The following DHX37 variants were observed in gnomAD, a reference collection of about 807,000 sequenced individuals.
DHX37 encodes the protein probable ATP-dependent RNA helicase DHX37.
DHX37 carries 52 observed loss-of-function variants against 134.3 expected under a neutral mutation model. The ratio of observed to expected loss-of-function variants is 0.39; its 90% CI spans 0.31 to 0.49. The LOEUF is 0.49. DHX37 is among the 20% of genes least tolerant of loss of function. The pLI, the probability that DHX37 is intolerant of heterozygous loss-of-function variation, is 0.93. For missense variants in DHX37, 1,344 were observed against 1,580.8 expected (o/e 0.85, Z 2.54); for synonymous variants, 634 against 670.7 (o/e 0.95, Z 0.85).
chr12:124,960,212 A>G, intron 16 of DHX37, 100 bp downstream of exon 16: 2 of 1,514,372 alleles, frequency 1.3e-6, no homozygotes, highest in African/African-American at 1.4e-5. Flanking sequence ...CAGCTGCCGC[A>G]GGCCAGGCAC....
intron 9 of DHX37, 34 bp from the exon 10 acceptor site, chr12:124,968,682 G>A (rs770906647): frequency 3.1e-6 from 5 of 1,613,578 alleles, no homozygotes; most frequent in South Asian, 2.2e-5. Flanking sequence ...GGGGAGTGGG[G>A]GGGACACGAG....
chr12:124,972,509 G>A lies in DHX37; in HGVS notation c.1071C>T (p.Ile357=). 6.2e-7 allele frequency: 1 copy of A among 1,614,164 alleles called. No individual in the cohort carries two copies. Among genetic ancestry groups the A allele is most frequent in the Non-Finnish European group, 8.5e-7 (1 of 1,180,004 alleles). ...FMTDGVLLKE[I]QKDFLLLRYK... is the part of the protein sequence containing the mutation. ...GCCAGGATCCACAACCAACCTTCTGGATTTCTTTAAGCAGCACACCATCCG... is the reference window on the plus strand; with the variant it reads ...GCCAGGATCCACAACCAACCTTCTGAATTTCTTTAAGCAGCACACCATCCG... The change falls in exon 7 of 27, where the codon ATC becomes ATT. Residue 357 remains isoleucine (I), a synonymous_variant. Transcript: ENST00000308736.
rs1293549393 is a variant in DHX37, at chr12:124,949,821, G to A, written c.3290+165C>T. Among the ~76,000 whole-genome samples, 5 of 152,158 alleles carry A rather than the reference G, an allele frequency of 3.3e-5. No individual in the cohort carries two copies. In the East Asian group the frequency reaches 7.7e-4, roughly 23 times the overall value. On this transcript the variant is annotated intron_variant, in intron 25 of 26. Transcript: ENST00000308736. The surrounding 1 kb of genome is among the most constrained non-coding windows in gnomAD (Gnocchi z 4.0). ...CAGAGGCAAGACGGACCCTCCCCGA[G>A]AGCCGCTGCACAGACCGTGGCTCTG...
chr12:124,983,628 T>C (rs913881633), intron 2 of DHX37, among the ~76,000 whole-genome samples: 14 of 151,390 alleles, frequency 9.2e-5, no homozygotes, highest in African/African-American at 3.1e-4. Flanking sequence ...CTACTAAAAA[T>C]ACAAAAATTA....
chr12:124,982,351 C>T lies in DHX37; in HGVS notation c.389+160G>A, dbSNP rs564505281. On this transcript the variant is annotated intron_variant, in intron 3 of 26. Transcript: ENST00000308736. ...GTTCAGCAGCATCTGTGGCCTTTAC[C>T]CACTAGAGGCATTTAGGATGACAAT... 2.0e-5 allele frequency among the ~76,000 whole-genome samples: 3 copies of T among 152,232 alleles called. No individual in the cohort carries two copies. In the East Asian group the frequency reaches 5.8e-4, roughly 29 times the overall value.
chr12:124,966,651 A>T, intron 12 of DHX37, 142 bp downstream of exon 12: 1 of 846,524 alleles, frequency 1.2e-6, no homozygotes, highest in Non-Finnish European at 1.9e-6. Context: ...GGCATGAGCC[A>T]CTGTGCCTGA....
intron 4 of DHX37, among the ~76,000 whole-genome samples, chr12:124,978,510 G>A (rs970938436): frequency 2.0e-5 from 3 of 150,844 alleles, no homozygotes; most frequent in African/African-American, 7.3e-5. Context: ...TAGAGACGGG[G>A]TTTCACCACG....
At chr12:124,967,242 G>A in intron 10 of DHX37, 24 bp from the exon 11 acceptor site, 1 of 1,609,868 alleles carries the variant, frequency 6.2e-7, no homozygotes, top group Non-Finnish European at 8.5e-7. Flanking sequence ...GGGCCCCTCT[G>A]TTATCCATCA....
In DHX37 at chr12:124,986,227, G is replaced by A; in HGVS notation, c.145C>T (p.Leu49Phe). 6.2e-7 allele frequency: 1 copy of A among 1,614,110 alleles called. No individual in the cohort carries two copies. Among genetic ancestry groups the A allele is most frequent in the Non-Finnish European group, 8.5e-7 (1 of 1,180,038 alleles). Reference protein sequence around the residue: ...TLKGVDASNALVLPGKKKKKT... With the variant: ...TLKGVDASNAFVLPGKKKKKT... ...TTTTTCTTCTTCCCCGGTAGAACGAGCGCGTTGCTTGCATCAACTCCCTTC... is the reference window on the plus strand; with the variant it reads ...TTTTTCTTCTTCCCCGGTAGAACGAACGCGTTGCTTGCATCAACTCCCTTC... Residue 49 changes from leucine (L) to phenylalanine (F), a missense_variant, in exon 2 of 27, where the codon CTC (leucine) becomes TTC (phenylalanine). Physicochemically the swap from Leu to Phe is conservative, Grantham distance 22. Transcript: ENST00000308736.
In DHX37 at chr12:124,947,706, G is replaced by A. The variant is rs996606499; in HGVS notation, c.*96C>T. 2.4e-5 allele frequency: 35 copies of A among 1,436,168 alleles called. No homozygotes were observed. Among genetic ancestry groups the A allele is most frequent in the Middle Eastern group, 2.5e-4 (1 of 3,930 alleles). 89.0% of individuals were successfully genotyped at this position (1,436,168 alleles called of 1,614,324 possible). Reference sequence around the variant, plus strand: ...GACCCACTTCCTGAGAGCAGGCCACGAAGCCCATGCCAGGTGGTCACGGTC... The same window carrying A: ...GACCCACTTCCTGAGAGCAGGCCACAAAGCCCATGCCAGGTGGTCACGGTC... On this transcript the variant is annotated 3_prime_UTR_variant, in exon 27 of 27. Coordinates refer to ENST00000308736, the MANE Select transcript of DHX37 (RefSeq NM_032656.4).
At chr12:124,961,280 A>ACACACACACTTACACGCGTGCACG (rs1555275507) in intron 15 of DHX37, among the ~76,000 whole-genome samples, 1 of 115,054 alleles carries the variant, frequency 8.7e-6, no homozygotes, top group African/African-American at 3.7e-5. Context: ...GCGTGCACGC[A>ACACACACACTTACACGCGTGCACG]CACACACTTA....
intron 18 of DHX37, among the ~76,000 whole-genome samples, chr12:124,954,460 C>G (rs905821200): frequency 4.0e-5 from 6 of 151,090 alleles, no homozygotes; most frequent in Non-Finnish European, 8.9e-5. Context: ...GTGGTGTGAT[C>G]TCGGTTCACT....
chr12:124,981,208 G>C (rs1594511017), intron 3 of DHX37, among the ~76,000 whole-genome samples: 2 of 152,284 alleles, frequency 1.3e-5, no homozygotes, highest in Admixed American at 1.3e-4. Flanking sequence ...CTTTATTTCT[G>C]TGCACTGCTC....
In DHX37 at chr12:124,956,873, C is replaced by T; in HGVS notation, c.2271G>A (p.Lys757=). Residue 757 remains lysine, a synonymous_variant, in exon 18 of 27, where the codon AAG becomes AAA. Coordinates refer to ENST00000308736, the MANE Select transcript of DHX37 (RefSeq NM_032656.4). ...AGCTCAGCCGGTTCTCCTGCAGTTG[C>T]TTCACCCTGGAGATGGAGGTGGTGG... The part of the protein sequence containing the change: ...LQPPQKAERV[K]QLQENRLSCP... The T allele has an allele frequency of 1.3e-6, 2 of 1,589,758 alleles. No homozygotes were observed. Among genetic ancestry groups the T allele is most frequent in the South Asian group, 1.1e-5 (1 of 89,084 alleles).
chr12:124,950,774 G>A lies in DHX37; in HGVS notation c.2899C>T (p.His967Tyr). 6.2e-7 allele frequency: 1 copy of A among 1,608,436 alleles called. No individual in the cohort carries two copies. The highest frequency in any genetic ancestry group is 8.5e-7 in the Non-Finnish European group (1 of 1,178,486). ...TCTTTGAAAAGGACGGAGCTGGGGTGGATGAAGACAGGGTCGTCGAGGAGA... is the reference window on the plus strand; with the variant it reads ...TCTTTGAAAAGGACGGAGCTGGGGTAGATGAAGACAGGGTCGTCGAGGAGA... Reference protein sequence around the residue: ...TPLLDDPVFIHPSSVLFKELP... With the variant: ...TPLLDDPVFIYPSSVLFKELP... Residue 967 changes from histidine to tyrosine, a missense_variant, in exon 22 of 27, where the codon CAC (histidine) becomes TAC (tyrosine). Coordinates refer to ENST00000308736, the MANE Select transcript of DHX37 (RefSeq NM_032656.4).
At chr12:124,952,750 C>A (rs1016380465) in intron 20 of DHX37, 180 bp from the exon 21 acceptor site, 21 of 471,688 alleles carry the variant, frequency 4.5e-5, no homozygotes, top group Non-Finnish European at 6.7e-5. Context: ...TTGCAGCCGC[C>A]CCCCCATTCC....
intron 1 of DHX37, among the ~76,000 whole-genome samples, chr12:124,987,487 C>T (rs1172554059): frequency 6.6e-6 from 1 of 152,224 alleles, no homozygotes; most frequent in East Asian, 1.9e-4. Context: ...TGAGAGACCT[C>T]AGCCCCTCTG....
chr12:124,987,124 C>T (rs970084199), intron 1 of DHX37, among the ~76,000 whole-genome samples: 2 of 152,206 alleles, frequency 1.3e-5, no homozygotes, highest in African/African-American at 4.8e-5. Context: ...GGGAAAATCA[C>T]CTGAGGCCAG....
In DHX37 at chr12:124,947,658, A is replaced by G. The variant is rs1005344059; in HGVS notation, c.*144T>C. 2.1e-5 allele frequency: 24 copies of G among 1,137,812 alleles called. No homozygotes were observed. Among genetic ancestry groups the G allele is most frequent in the African/African-American group, 3.1e-5 (2 of 64,130 alleles). 70.5% of individuals were successfully genotyped at this position (1,137,812 alleles called of 1,614,324 possible). On this transcript the variant is annotated 3_prime_UTR_variant, in exon 27 of 27. Coordinates refer to ENST00000308736, the MANE Select transcript of DHX37 (RefSeq NM_032656.4). ...ACCCTTCATACGGGATCGAGCTCTC[A>G]TGGATGAGGGTTCCCAGGGCTTGAC...
Sources: gnomAD v4.1 joint callset for allele counts (sites outside exome capture counted in the v4.1 genomes callset) on GRCh38, gnomAD v4.1.1 for gene constraint, Gnocchi (gnomAD v3.1) non-coding constraint, MANE v1.5 for transcripts, NCBI Gene and HGNC (gene_info 2026-07-23, HGNC 2026-07-21) for gene names.